Variants in NOL4 observed in about 807,000 individuals in gnomAD.
The protein encoded by NOL4 is cancer/testis antigen 125.
NOL4 carries 17 observed loss-of-function variants against 75.9 expected under a neutral mutation model. The ratio of observed to expected loss-of-function variants is 0.22; its 90% CI spans 0.15 to 0.34. The LOEUF is 0.34. Ranked by LOEUF, NOL4 falls within the 10% of genes least tolerant of loss-of-function variation. The probability of loss-of-function intolerance (pLI) is 1.00; values close to 1 mark genes in which losing one functional copy is unlikely to be tolerated. For missense variants in NOL4, 614 were observed against 793.5 expected (o/e 0.77, Z 2.72); for synonymous variants, 292 against 289.9 (o/e 1.01, Z -0.07).
intron 10 of NOL4, among the ~76,000 whole-genome samples, chr18:33,872,710 G>C (rs2144517933): frequency 6.6e-6 from 1 of 152,092 alleles, no homozygotes; most frequent in South Asian, 2.1e-4. Context: ...ACTTGAAATA[G>C]ATCCCGGTGG....
intron 5 of NOL4, among the ~76,000 whole-genome samples, chr18:34,079,682 A>T (rs1405448482): frequency 6.6e-6 from 1 of 151,986 alleles, no homozygotes; most frequent in East Asian, 1.9e-4. Context: ...CCACACACAT[A>T]TGATTGAACG....
intron 6 of NOL4, among the ~76,000 whole-genome samples, chr18:34,008,302 T>C (rs1417592857): frequency 6.6e-6 from 1 of 151,926 alleles, no homozygotes; most frequent in South Asian, 2.1e-4. Flanking sequence ...TGACAGCAGA[T>C]CATTGAATTT....
chr18:33,957,590 A>C, intron 7 of NOL4, 73 bp from the exon 8 acceptor site: 2 of 1,187,272 alleles, frequency 1.7e-6, no homozygotes, highest in Non-Finnish European at 2.3e-6. Context: ...TCCTGTCTTG[A>C]TTACCGATAG....
intron 1 of NOL4, among the ~76,000 whole-genome samples, chr18:34,198,510 T>G (rs2035496626): frequency 6.6e-6 from 1 of 151,886 alleles, no homozygotes; most frequent in South Asian, 2.1e-4. Flanking sequence ...AAAATTCACT[T>G]CTAATTTTTA....
At chr18:34,108,387 CA>C (rs1279636402) in intron 2 of NOL4, among the ~76,000 whole-genome samples, 4 of 151,552 alleles carry the variant, frequency 2.6e-5, no homozygotes, top group Non-Finnish European at 5.9e-5. Context: ...ATTCTCCAAT[CA>C]AAAGTCAGAG....
At chr18:34,172,483 G>C (rs941132335) in intron 1 of NOL4, among the ~76,000 whole-genome samples, 3 of 152,082 alleles carry the variant, frequency 2.0e-5, no homozygotes, top group Admixed American at 6.6e-5. Flanking sequence ...ATGTTGCAAT[G>C]AACATGCGAG....
intron 9 of NOL4, among the ~76,000 whole-genome samples, chr18:33,887,558 T>C (rs536087284): frequency 6.6e-6 from 1 of 152,112 alleles, no homozygotes; most frequent in South Asian, 2.1e-4. Flanking sequence ...CTCCTAATGC[T>C]ATCCCTCCCC....
At chr18:33,933,220 C>T (rs1206404348) in intron 9 of NOL4, among the ~76,000 whole-genome samples, 1 of 152,140 alleles carries the variant, frequency 6.6e-6, no homozygotes, top group African/African-American at 2.4e-5. Flanking sequence ...AACCAATGCG[C>T]TTACCTTAAA....
intron 9 of NOL4, among the ~76,000 whole-genome samples, chr18:33,903,794 G>C (rs1004317136): frequency 1.3e-5 from 2 of 151,976 alleles, no homozygotes; most frequent in African/African-American, 4.8e-5. Context: ...TTTATGTCTT[G>C]TTTCTCTTCA....
At chr18:33,893,870 A>C (rs550843079) in intron 9 of NOL4, among the ~76,000 whole-genome samples, 1 of 152,146 alleles carries the variant, frequency 6.6e-6, no homozygotes, top group Non-Finnish European at 1.5e-5. Context: ...AAAGAGCCTT[A>C]AACTGAACTT....
chr18:34,092,191 TA>T (rs1434196546), intron 5 of NOL4, among the ~76,000 whole-genome samples: 6 of 151,992 alleles, frequency 3.9e-5, no homozygotes, highest in Non-Finnish European at 7.4e-5. Context: ...CAATGGCCAT[TA>T]AAAAAATACA....
intron 1 of NOL4, chr18:34,221,922 G>C (rs886631951): frequency 9.7e-5 from 95 of 976,760 alleles, no homozygotes; most frequent in African/African-American, 4.5e-4. Flanking sequence ...AGTACAGGAG[G>C]GGGGAAAGGA....
rs534638998 is a variant in NOL4, at chr18:33,951,393, T to G, written c.1428+5933A>C. On this transcript the variant is annotated intron_variant, in intron 8 of 10. Transcript: ENST00000261592. ...TAGATAATGTGTTATTTCTTTCTGG[T>G]ACATTTAAGAATTTATTTGCTCTTC... 3.3e-5 allele frequency among the ~76,000 whole-genome samples: 5 copies of G among 152,324 alleles called. No individual in the cohort carries two copies. In the Middle Eastern group the frequency reaches 0.01, roughly 311 times the overall value.
chr18:33,969,271 A>G (rs1042982256), intron 6 of NOL4, among the ~76,000 whole-genome samples: 1 of 152,154 alleles, frequency 6.6e-6, no homozygotes, highest in African/African-American at 2.4e-5. Context: ...TCTTCCTCCT[A>G]AAGAAATATT....
At chr18:34,032,418 C>T (rs2075681758) in intron 5 of NOL4, among the ~76,000 whole-genome samples, 1 of 152,138 alleles carries the variant, frequency 6.6e-6, no homozygotes, top group Non-Finnish European at 1.5e-5. Context: ...CAACTTCTCC[C>T]ATCCCAGAGC....
intron 9 of NOL4, among the ~76,000 whole-genome samples, chr18:33,935,529 G>A (rs1464385557): frequency 2.0e-5 from 3 of 152,002 alleles, no homozygotes; most frequent in African/African-American, 7.2e-5. Flanking sequence ...CCCAAAATAA[G>A]TACTATAGCA....
chr18:34,021,170 C>G (rs912733555), intron 5 of NOL4, among the ~76,000 whole-genome samples: 4 of 152,140 alleles, frequency 2.6e-5, no homozygotes, highest in Admixed American at 6.5e-5. Context: ...CTGTCTTCAA[C>G]AAGGTCACAG....
At chr18:34,160,802 T>C (rs903647865) in intron 1 of NOL4, among the ~76,000 whole-genome samples, 2 of 152,186 alleles carry the variant, frequency 1.3e-5, no homozygotes, top group Admixed American at 6.5e-5. Context: ...CTCAAACATT[T>C]GTTATTTCTT....
chr18:34,040,027 G>A (rs1163143820), intron 5 of NOL4, among the ~76,000 whole-genome samples: 1 of 151,962 alleles, frequency 6.6e-6, no homozygotes, highest in African/African-American at 2.4e-5. Flanking sequence ...ATGGTGTTAA[G>A]TACCTTGGGC....
Sources: gnomAD v4.1 joint callset for allele counts (sites outside exome capture counted in the v4.1 genomes callset) on GRCh38, gnomAD v4.1.1 for gene constraint, MANE v1.5 for transcripts, NCBI Gene and HGNC (gene_info 2026-07-23, HGNC 2026-07-21) for gene names.